The following ABCB4 variants were observed in gnomAD, a reference collection of about 807,000 sequenced individuals.
ABCB4 encodes the protein phosphatidylcholine translocator ABCB4.
Under a neutral mutation model 145.7 loss-of-function variants are expected in ABCB4, and 76 were observed. The observed-to-expected ratio is 0.52, with a 90% confidence interval of 0.43 to 0.63. The LOEUF (loss-of-function observed/expected upper bound fraction) is 0.63, where lower values mean the gene tolerates loss of function less well. Ranked by LOEUF, ABCB4 falls within the 30% of genes least tolerant of loss-of-function variation. The pLI is 0.00. For synonymous variants in ABCB4, 517 were observed against 566.8 expected, an observed-to-expected ratio of 0.91 and a Z score of 1.25; for missense variants, 1,234 against 1,553.1, an observed-to-expected ratio of 0.79 and a Z score of 3.45.
chr7:87,412,784 C>A lies in ABCB4; in HGVS notation c.2784-751G>T, dbSNP rs558690892. ...AGCTATTGAATCTTTAAATTATAACCAAGTTCATAATTAGCTTCACCTTTC... is the reference window on the plus strand; with the variant it reads ...AGCTATTGAATCTTTAAATTATAACAAAGTTCATAATTAGCTTCACCTTTC... On this transcript the variant is annotated intron_variant, in intron 22 of 27. Transcript: ENST00000649586. Among the ~76,000 whole-genome samples the A allele has an allele frequency of 9.9e-5, 15 of 152,244 alleles. No homozygotes were observed. In the South Asian group the frequency reaches 3.1e-3, roughly 32 times the overall value.
chr7:87,472,674 T>C lies in ABCB4; in HGVS notation c.82A>G (p.Lys28Glu). 3 of 1,597,948 alleles carry C rather than the reference T, an allele frequency of 1.9e-6. No individual in the cohort carries two copies. The highest frequency in any genetic ancestry group is 2.7e-5 in the African/African-American group (2 of 74,660). Residue 28 changes from lysine (K) to glutamate (E), a missense_variant and splice_region_variant, in exon 3 of 28, where the codon AAA becomes GAA. Transcript: ENST00000649586. The part of the protein sequence containing the change: ...EGDFELGISS[K>E]QKRKKTKTVK... ...GTCTTCGTTTTTTTCCTTTTTTGTTTGCTGTAAAAAATAGAATTGCTTCAA... is the reference window on the plus strand; with the variant it reads ...GTCTTCGTTTTTTTCCTTTTTTGTTCGCTGTAAAAAATAGAATTGCTTCAA...
chr7:87,390,680 C>A, the ABCB4 span, among the ~76,000 whole-genome samples: 5 of 152,156 alleles, frequency 3.3e-5, no homozygotes, highest in South Asian at 1.0e-3. Context: ...ATATCATTCT[C>A]CAACCCAGGA....
At chr7:87,387,130 T>C in the ABCB4 span, among the ~76,000 whole-genome samples, 1 of 151,920 alleles carries the variant, frequency 6.6e-6, no homozygotes, top group Non-Finnish European at 1.5e-5. Context: ...CATCACAGCC[T>C]CCATTTTGGT....
At chr7:87,385,074 A>C in the ABCB4 span, among the ~76,000 whole-genome samples, 1 of 149,468 alleles carries the variant, frequency 6.7e-6, no homozygotes, top group Admixed American at 6.7e-5. Context: ...TGCCAGTAAC[A>C]TGCTGTTTTG....
At chr7:87,380,945 C>G in the ABCB4 span, among the ~76,000 whole-genome samples, 2 of 152,210 alleles carry the variant, frequency 1.3e-5, no homozygotes, top group Admixed American at 6.5e-5. Flanking sequence ...ATAAACTGCT[C>G]AGGCATCTTA....
At chr7:87,464,030 C>G (rs914489101) in intron 3 of ABCB4, among the ~76,000 whole-genome samples, 4 of 151,906 alleles carry the variant, frequency 2.6e-5, no homozygotes, top group African/African-American at 9.7e-5. Context: ...TTTCTCTCCT[C>G]TCTTTTAAAA....
At chr7:87,469,395 G>T (rs1392335503) in intron 3 of ABCB4, among the ~76,000 whole-genome samples, 2 of 152,122 alleles carry the variant, frequency 1.3e-5, no homozygotes. Context: ...AAGAAAGAAA[G>T]AAAGGGTATT....
intron 2 of ABCB4, among the ~76,000 whole-genome samples, chr7:87,475,127 C>T (rs2117005529): frequency 6.6e-6 from 1 of 152,304 alleles, no homozygotes; most frequent in South Asian, 2.1e-4. Context: ...TTGAATCCCC[C>T]CTGCACAAAG....
intron 15 of ABCB4, among the ~76,000 whole-genome samples, chr7:87,429,917 A>ATT (rs1562967494): frequency 2.9e-4 from 43 of 147,896 alleles, no homozygotes; most frequent in African/African-American, 1.1e-3. Flanking sequence ...TTTTTTTTAA[A>ATT]AAAAAAAAAA....
rs776326518 is a variant in ABCB4 at position 87,402,128 on chromosome 7, C to T, written c.3808G>A (p.Val1270Ile). ...TTCTGTGTCCCAGCCTGGACACTGACCATTGAAAAATAGATGCCTTTCTGT... is the reference window on the plus strand; with the variant it reads ...TTCTGTGTCCCAGCCTGGACACTGATCATTGAAAAATAGATGCCTTTCTGT... ...LAQKGIYFSMVSVQAGTQNL is the reference protein window; with the variant it reads ...LAQKGIYFSMISVQAGTQNL The change falls in exon 28 of 28, where the codon GTC becomes ATC. Residue 1270 changes from valine to isoleucine, a missense_variant. Around this residue, in one of 7 missense-constraint regions of ABCB4, gnomAD observed 58 missense variants for 75.9 expected, o/e 0.76. Coordinates refer to ENST00000649586, the MANE Select transcript of ABCB4 (RefSeq NM_000443.4). 6 of 1,613,928 alleles carry T rather than the reference C, an allele frequency of 3.7e-6. No individual in the cohort carries two copies. Among genetic ancestry groups the T allele is most frequent in the Non-Finnish European group, 5.1e-6 (6 of 1,180,042 alleles).
downstream of ABCB4, chr7:87,398,731 GTTGACTTGCTAACATTCCT>G: frequency 7.9e-7 from 1 of 1,272,924 alleles, no homozygotes; most frequent in Non-Finnish European, 1.1e-6. Flanking sequence ...GGGAAGGAAT[GTTGACTTGCTAACATTCCT>G]TTAACAAGTT....
chr7:87,399,768 G>C (rs1237798999), downstream of ABCB4: 1 of 151,972 alleles, frequency 6.6e-6, no homozygotes, highest in East Asian at 1.9e-4. Flanking sequence ...TTTTTGTTTT[G>C]TTTGAATAAA....
chr7:87,461,184 T>G (rs1812435196), intron 4 of ABCB4, among the ~76,000 whole-genome samples: 1 of 152,118 alleles, frequency 6.6e-6, no homozygotes, highest in African/African-American at 2.4e-5. Context: ...AACTCAAAAC[T>G]TAATTGCCAC....
chr7:87,392,985 G>T, the ABCB4 span: 3 of 1,613,686 alleles, frequency 1.9e-6, no homozygotes, highest in Non-Finnish European at 1.7e-6. Context: ...AACAAGTCTG[G>T]TTGGCTATTT....
chr7:87,426,604 A>T, intron 16 of ABCB4, 146 bp downstream of exon 16: 2 of 768,572 alleles, frequency 2.6e-6, no homozygotes, highest in Non-Finnish European at 4.2e-6. Flanking sequence ...AAATACATTT[A>T]AAATTTGAAA....
At chr7:87,387,581 A>G in the ABCB4 span, among the ~76,000 whole-genome samples, 1 of 152,166 alleles carries the variant, frequency 6.6e-6, no homozygotes, top group Non-Finnish European at 1.5e-5. Context: ...TAAACAATTA[A>G]CACACATTTT....
intron 26 of ABCB4, 187 bp downstream of exon 26, chr7:87,406,101 T>G: frequency 1.6e-6 from 1 of 643,210 alleles, no homozygotes; most frequent in Non-Finnish European, 2.7e-6. Context: ...TCACTACATT[T>G]GTATGAGGTA....
At chr7:87,427,727 T>C (rs1809937844) in intron 15 of ABCB4, among the ~76,000 whole-genome samples, 1 of 152,234 alleles carries the variant, frequency 6.6e-6, no homozygotes, top group Admixed American at 6.5e-5. Context: ...AGTGCCTTAC[T>C]GTACATACAA....
chr7:87,374,574 T>G, the ABCB4 span, among the ~76,000 whole-genome samples: 1 of 152,042 alleles, frequency 6.6e-6, no homozygotes, highest in Non-Finnish European at 1.5e-5. Context: ...AAATCAGTAG[T>G]TACTAAAGAA....
Sources: allele counts gnomAD v4.1 joint callset (sites outside exome capture counted in the v4.1 genomes callset), GRCh38; gene constraint gnomAD v4.1.1; regional missense constraint gnomAD v4.1.1; transcripts MANE v1.5; gene names NCBI Gene and HGNC (gene_info 2026-07-23, HGNC 2026-07-21).